PPP1R16A: variants seen among roughly 807,000 people sequenced by gnomAD.
PPP1R16A encodes the protein myosin phosphatase-targeting subunit 3.
A neutral mutation model predicts 46.6 loss-of-function variants in PPP1R16A; 39 were observed. That is an observed-to-expected ratio of 0.84 (90% CI 0.65 to 1.09). PPP1R16A has a LOEUF of 1.09. Ranked by LOEUF, PPP1R16A falls within the 50% of genes least tolerant of loss-of-function variation. The probability of loss-of-function intolerance (pLI) is 0.00; values close to 1 mark genes in which losing one functional copy is unlikely to be tolerated. For synonymous variants in PPP1R16A, 413 were observed against 321.5 expected (o/e 1.28, Z -3.04); for missense variants, 798 against 735.6 (o/e 1.08, Z -0.98).
intron 1 of PPP1R16A, among the ~76,000 whole-genome samples, chr8:144,482,722 C>G (rs181468285): frequency 6.7e-6 from 1 of 149,140 alleles, no homozygotes; most frequent in African/African-American, 2.5e-5. Context: ...GATCTAGGCT[C>G]ACTGCAACCT....
chr8:144,492,615 G>A lies in PPP1R16A; in HGVS notation c.-735+2403G>A, dbSNP rs529164980. The stretch of plus-strand genomic sequence containing the variant: ...CTCCCAAAGTGCTGGGATTACAGGC[G>A]TGAGCCACTGTGCCTAGGTGCACAT... On this transcript the variant is annotated intron_variant, in intron 2 of 11. Coordinates refer to ENST00000435887, the MANE Select transcript of PPP1R16A (RefSeq NM_001329443.2). 9.2e-5 allele frequency among the ~76,000 whole-genome samples: 14 copies of A among 151,530 alleles called. 1 individual carries two copies. In the East Asian group the frequency reaches 2.5e-3, roughly 27 times the overall value.
At chr8:144,489,316 G>A (rs1170295922) in intron 1 of PPP1R16A, among the ~76,000 whole-genome samples, 2 of 71,646 alleles carry the variant, frequency 2.8e-5, no homozygotes, top group African/African-American at 1.2e-4. Flanking sequence ...GTTGGACTGG[G>A]AAGGGGGTTG....
rs530433732 is a variant in PPP1R16A at position 144,501,627 on chromosome 8, C to T, written c.1311C>T (p.Ser437=). 153 of 1,610,514 alleles carry T rather than the reference C, an allele frequency of 9.5e-5. 1 individual carries two copies. In the South Asian group the frequency reaches 1.6e-3, roughly 17 times the overall value. ...RLDRSVSYQL[S]PLDSTTPHTL... ...ACCGGAGTGTCTCCTACCAGCTGAG[C>T]CCCCTGGACAGCACCACCCCCCACA... is the stretch of plus-strand genomic sequence containing the variant. The change falls in exon 12 of 12, where the codon AGC becomes AGT. Residue 437 remains serine (S), a synonymous_variant. Transcript: ENST00000435887.
chr8:144,491,330 CT>C (rs1471239451), intron 2 of PPP1R16A, among the ~76,000 whole-genome samples: 1 of 151,882 alleles, frequency 6.6e-6, no homozygotes, highest in Non-Finnish European at 1.5e-5. Flanking sequence ...AAAATCAAAT[CT>C]GGTCGGGTGT....
Position 144,493,836 on chromosome 8 carries a change from G to A in PPP1R16A, c.-734-2625G>A, listed in dbSNP as rs556184717. Among the ~76,000 whole-genome samples the A allele has an allele frequency of 1.3e-5, 2 of 152,230 alleles. No homozygotes were observed. The highest frequency in any genetic ancestry group is 1.3e-4 in the Admixed American group (2 of 15,298). ...GAGACATTGGGCAGCTTCCAGCTAG[G>A]AAGGTGGGCCTGCTAGGGTGGGGCC... On this transcript the variant is annotated intron_variant, in intron 2 of 11. Transcript: ENST00000435887. The surrounding 1 kb of genome is among the most constrained non-coding windows in gnomAD (Gnocchi z 4.3).
Position 144,497,274 on chromosome 8 carries a change from A to G in PPP1R16A, c.80A>G (p.Gln27Arg), listed in dbSNP as rs1014537046. Residue 27 changes from glutamine (Q) to arginine (R), a missense_variant, in exon 3 of 12, where the codon CAG becomes CGG. Physicochemically the swap from Gln to Arg is conservative, Grantham distance 43. Coordinates refer to ENST00000435887, the MANE Select transcript of PPP1R16A (RefSeq NM_001329443.2). Reference sequence around the variant, plus strand: ...ACACAGGAGCGGCTGAAGCATGCCCAGAAGCGGCGCGCCCAGCAGGTGAAG... The same window carrying G: ...ACACAGGAGCGGCTGAAGCATGCCCGGAAGCGGCGCGCCCAGCAGGTGAAG... ...MSTQERLKHAQKRRAQQVKMW... is the reference protein window; with the variant it reads ...MSTQERLKHARKRRAQQVKMW... 3.7e-6 allele frequency: 6 copies of G among 1,611,036 alleles called. No individual in the cohort carries two copies. The highest frequency in any genetic ancestry group is 1.7e-4 in the Middle Eastern group (1 of 5,954).
At chr8:144,495,206 C>T (rs1323297568) in intron 2 of PPP1R16A, among the ~76,000 whole-genome samples, 1 of 152,158 alleles carries the variant, frequency 6.6e-6, no homozygotes, top group Non-Finnish European at 1.5e-5. Context: ...TAAAGTGGGG[C>T]TCCCAGATAA....
intron 1 of PPP1R16A, among the ~76,000 whole-genome samples, chr8:144,489,558 A>C (rs1164869238): frequency 6.6e-6 from 1 of 152,076 alleles, no homozygotes; most frequent in Non-Finnish European, 1.5e-5. Flanking sequence ...CCCTGTGTGT[A>C]GGAAACTTAA....
In PPP1R16A at chr8:144,501,994, G is replaced by C. The variant is rs796862532; in HGVS notation, c.*91G>C. 8.4e-6 allele frequency: 11 copies of C among 1,304,428 alleles called. No homozygotes were observed. In the African/African-American group the frequency reaches 1.6e-4, roughly 19 times the overall value. 80.8% of individuals were successfully genotyped at this position (1,304,428 alleles called of 1,614,324 possible). On this transcript the variant is annotated 3_prime_UTR_variant, in exon 12 of 12. Transcript: ENST00000435887. Reference sequence around the variant, plus strand: ...TGCCCTGGTGCTGCGGGTGCAGCACGGAAACCCCGGCTTCTACTGTACAGG... The same window carrying C: ...TGCCCTGGTGCTGCGGGTGCAGCACCGAAACCCCGGCTTCTACTGTACAGG...
At chr8:144,492,528 G>C (rs992244359) in intron 2 of PPP1R16A, among the ~76,000 whole-genome samples, 1 of 151,976 alleles carries the variant, frequency 6.6e-6, no homozygotes, top group Admixed American at 6.6e-5. Context: ...GTAGAGATGG[G>C]GTTTTACCTT....
rs538599984 is a variant in PPP1R16A, at chr8:144,500,526, G to A, written c.745G>A (p.Ala249Thr). The part of the protein sequence containing the change: ...AAANGFSEAA[A>T]LLLEHRASLS... ...CGCCAACGGGTTCAGCGAGGCGGCTGCCCTGCTGCTGGAACACCGAGCCAG... is the reference window on the plus strand; with the variant it reads ...CGCCAACGGGTTCAGCGAGGCGGCTACCCTGCTGCTGGAACACCGAGCCAG... Residue 249 changes from alanine (A) to threonine (T), a missense_variant, in exon 8 of 12, where the codon GCC becomes ACC. Coordinates refer to ENST00000435887, the MANE Select transcript of PPP1R16A (RefSeq NM_001329443.2). 92 of 1,592,850 alleles carry A rather than the reference G, an allele frequency of 5.8e-5. 1 individual carries two copies. The East Asian group carries it at 9.2e-4, about 16-fold the overall frequency.
chr8:144,501,290 C>G lies in PPP1R16A; in HGVS notation c.1199C>G (p.Pro400Arg). The G allele has an allele frequency of 1.3e-6, 2 of 1,580,212 alleles. No homozygotes were observed. The highest frequency in any genetic ancestry group is 2.3e-5 in the East Asian group (1 of 43,406). ...GGCGCAGAGCTCAGGCCGCCGCCCC[C>G]GGAGGTGAGCGCCCCGTCCCTGCTC... ...QTGAELRPPP[P>R]EEDNPEVVRP... Residue 400 changes from proline to arginine, a missense_variant, in exon 11 of 12, where the codon CCG becomes CGG. Transcript: ENST00000435887.
At position 144,501,894 on chromosome 8, in the gene PPP1R16A, G is replaced by T; in HGVS notation, c.1578G>T (p.Leu526=). The T allele has an allele frequency of 6.5e-7, 1 of 1,526,764 alleles. No individual in the cohort carries two copies. 94.6% of individuals were successfully genotyped at this position (1,526,764 alleles called of 1,614,324 possible). A position where few individuals can be genotyped will look rare whatever the true frequency, so the allele number is the denominator to read the frequency against. Residue 526 remains leucine (L), a synonymous_variant, in exon 12 of 12, where the codon CTG becomes CTT. Transcript: ENST00000435887. ...EAPVERRPCC[L]LM ...CCGTGGAGAGGAGGCCGTGCTGCCT[G>T]CTCATGTGAGGCTGTTGCTCAGCAT... is the stretch of plus-strand genomic sequence containing the variant.
intron 2 of PPP1R16A, among the ~76,000 whole-genome samples, chr8:144,491,473 C>G (rs1334678436): frequency 6.6e-6 from 1 of 151,710 alleles, no homozygotes; most frequent in Non-Finnish European, 1.5e-5. Context: ...AAAAAATTAG[C>G]TGGGTGTAGG....
chr8:144,479,914 T>C (rs1257740505), intron 1 of PPP1R16A, among the ~76,000 whole-genome samples: 1 of 152,214 alleles, frequency 6.6e-6, no homozygotes, highest in East Asian at 1.9e-4. Flanking sequence ...CTGGGACCCC[T>C]GTGCCAGAGG....
Position 144,500,507 on chromosome 8 carries a change from C to A in PPP1R16A, c.726C>A (p.Asn242Lys), listed in dbSNP as rs781045098. The A allele has an allele frequency of 6.3e-7, 1 of 1,588,308 alleles. No individual in the cohort carries two copies. Among genetic ancestry groups the A allele is most frequent in the South Asian group, 1.1e-5 (1 of 89,778 alleles). Residue 242 changes from asparagine to lysine, a missense_variant, in exon 8 of 12, where the codon AAC (asparagine) becomes AAA (lysine). Physicochemically the swap from Asn to Lys is moderately conservative, Grantham distance 94. Transcript: ENST00000435887. ...TGCAGCTGCACGTCGCAGCCGCCAA[C>A]GGGTTCAGCGAGGCGGCTGCCCTGC... Reference protein sequence around the residue: ...GATLLHVAAANGFSEAAALLL... With the variant: ...GATLLHVAAAKGFSEAAALLL...
chr8:144,499,242 GC>G, intron 5 of PPP1R16A, 181 bp downstream of exon 5: 1 of 818,584 alleles, frequency 1.2e-6, no homozygotes, highest in South Asian at 2.0e-5. Context: ...ATGGGCATGT[GC>G]CCAGGGCAGC....
At chr8:144,488,686 G>C (rs1405395986) in intron 1 of PPP1R16A, among the ~76,000 whole-genome samples, 1 of 152,154 alleles carries the variant, frequency 6.6e-6, no homozygotes, top group African/African-American at 2.4e-5. Context: ...GGCAACGATG[G>C]GCGGGGGTGA....
At chr8:144,486,149 T>G (rs1825619805) in intron 1 of PPP1R16A, among the ~76,000 whole-genome samples, 1 of 152,174 alleles carries the variant, frequency 6.6e-6, no homozygotes, top group African/African-American at 2.4e-5. Context: ...GTGACTTAAT[T>G]TTTTTTATTT....
Sources: gnomAD v4.1 joint callset for allele counts (sites outside exome capture counted in the v4.1 genomes callset) on GRCh38, gnomAD v4.1.1 for gene constraint, Gnocchi (gnomAD v3.1) non-coding constraint, MANE v1.5 for transcripts, NCBI Gene and HGNC (gene_info 2026-07-23, HGNC 2026-07-21) for gene names.